The following DLC1 variants were observed in gnomAD, a reference collection of about 807,000 sequenced individuals.
DLC1 encodes DLC1 Rho GTPase activating protein, also known as rho GTPase-activating protein 7.
In DLC1, 54 loss-of-function variants were observed where a neutral mutation model predicts 140.3. The ratio of observed to expected loss-of-function variants is 0.38; its 90% CI spans 0.31 to 0.48. The LOEUF (loss-of-function observed/expected upper bound fraction) is 0.48, where lower values mean the gene tolerates loss of function less well. DLC1 is among the 20% of genes least tolerant of loss of function. The probability of loss-of-function intolerance (pLI) is 0.96; values close to 1 mark genes in which losing one functional copy is unlikely to be tolerated. For synonymous variants in DLC1, 986 were observed against 728.1 expected (o/e 1.35, Z -5.70); for missense variants, 2,536 against 1,907.0 (o/e 1.33, Z -6.14).
chr8:13,448,634 C>T (rs1208916178), intron 2 of DLC1, among the ~76,000 whole-genome samples: 1 of 152,204 alleles, frequency 6.6e-6, no homozygotes, highest in Admixed American at 6.5e-5. Flanking sequence ...GCTGGGATTA[C>T]AGGCGTGAGC....
At chr8:13,592,042 G>T (rs1482468647) in intron 1 of DLC1, among the ~76,000 whole-genome samples, 1 of 152,000 alleles carries the variant, frequency 6.6e-6, no homozygotes, top group Non-Finnish European at 1.5e-5. Context: ...GCTTGGAACT[G>T]GGTAAGGTCC....
At chr8:13,412,652 C>G (rs955460944) in intron 2 of DLC1, among the ~76,000 whole-genome samples, 9 of 151,908 alleles carry the variant, frequency 5.9e-5, no homozygotes, top group African/African-American at 2.2e-4. Context: ...AGAAAAATGT[C>G]CCTTTGTGCG....
chr8:13,581,898 G>A (rs1805112938), intron 1 of DLC1, among the ~76,000 whole-genome samples: 1 of 152,078 alleles, frequency 6.6e-6, no homozygotes, highest in African/African-American at 2.4e-5. Flanking sequence ...GCAATCTGAA[G>A]TCCACGCATC....
At chr8:13,208,293 G>C (rs1314388657) in intron 5 of DLC1, among the ~76,000 whole-genome samples, 1 of 152,118 alleles carries the variant, frequency 6.6e-6, no homozygotes, top group Non-Finnish European at 1.5e-5. Flanking sequence ...ATTGCATGAA[G>C]CTTATTCATA....
intron 4 of DLC1, among the ~76,000 whole-genome samples, chr8:13,316,828 C>G (rs1279141850): frequency 6.6e-6 from 1 of 152,162 alleles, no homozygotes; most frequent in South Asian, 2.1e-4. Flanking sequence ...CCTTGTGTTT[C>G]TCCTATCATA....
intron 1 of DLC1, among the ~76,000 whole-genome samples, chr8:13,533,893 G>T (rs558761224): frequency 6.6e-6 from 1 of 152,228 alleles, no homozygotes; most frequent in South Asian, 2.1e-4. Context: ...GAAGGTACTT[G>T]CATCTCCTTC....
intron 7 of DLC1, among the ~76,000 whole-genome samples, chr8:13,108,804 C>T (rs968014121): frequency 1.3e-5 from 2 of 152,188 alleles, no homozygotes; most frequent in African/African-American, 2.4e-5. Context: ...TTCTGCTCCA[C>T]AGCTAAGCAT....
At position 13,140,489 on chromosome 8, in the gene DLC1, T is replaced by G. The variant is rs555540611; in HGVS notation, c.1349-24832A>C. Among the ~76,000 whole-genome samples the G allele has an allele frequency of 2.6e-5, 4 of 151,954 alleles. No individual in the cohort carries two copies. The East Asian group carries it at 7.7e-4, about 29-fold the overall frequency. On this transcript the variant is annotated intron_variant, in intron 5 of 17. Coordinates refer to ENST00000276297, the MANE Select transcript of DLC1 (RefSeq NM_182643.3). ...CTCAAGCGATTCGCCTGCCTCTGCC[T>G]TCCAAAGTGCTGGGATTACAGGTTG... is the stretch of plus-strand genomic sequence containing the variant.
At chr8:13,462,027 G>A (rs72603970) in intron 2 of DLC1, among the ~76,000 whole-genome samples, 11,775 of 152,068 alleles carry the variant, frequency 0.077, 617 homozygotes, top group East Asian at 0.16. Context: ...GTTCCTCTCT[G>A]TTCCATCTTT....
chr8:13,269,621 C>G (rs1830833459), intron 5 of DLC1, among the ~76,000 whole-genome samples: 1 of 142,078 alleles, frequency 7.0e-6, no homozygotes, highest in Non-Finnish European at 1.5e-5. Context: ...AGGAAGATTG[C>G]TGAGTTCAGG....
chr8:13,314,590 C>T (rs796798757), intron 4 of DLC1, among the ~76,000 whole-genome samples: 7 of 152,198 alleles, frequency 4.6e-5, no homozygotes, highest in African/African-American at 1.7e-4. Context: ...TTTAATAATT[C>T]AATGCCTGCA....
intron 5 of DLC1, among the ~76,000 whole-genome samples, chr8:13,181,106 C>T (rs1433151278): frequency 1.3e-5 from 2 of 151,958 alleles, no homozygotes. Flanking sequence ...CTGCCCTTTC[C>T]TCATTCTCTC....
chr8:13,309,799 G>A lies in DLC1; in HGVS notation c.1315-4497C>T, dbSNP rs1389879795. Among the ~76,000 whole-genome samples, 10 of 152,228 alleles carry A rather than the reference G, an allele frequency of 6.6e-5. No homozygotes were observed. In the South Asian group the frequency reaches 2.1e-3, roughly 32 times the overall value. ...AACGTAAATAGCATCATAAATAATA[G>A]ACATCATATCTGAATCCATGACAAT... On this transcript the variant is annotated intron_variant, in intron 4 of 17. Coordinates refer to ENST00000276297, the MANE Select transcript of DLC1 (RefSeq NM_182643.3).
chr8:13,491,087 T>C (rs117467398), intron 2 of DLC1, among the ~76,000 whole-genome samples: 2 of 147,834 alleles, frequency 1.4e-5, no homozygotes, highest in Non-Finnish European at 3.0e-5. Flanking sequence ...TATATACATA[T>C]TCAAATTTAA....
At chr8:13,215,202 A>G (rs1316780153) in intron 5 of DLC1, among the ~76,000 whole-genome samples, 1 of 152,178 alleles carries the variant, frequency 6.6e-6, no homozygotes, top group Non-Finnish European at 1.5e-5. Flanking sequence ...TCATTTCCCA[A>G]ACGTCTTACA....
intron 5 of DLC1, among the ~76,000 whole-genome samples, chr8:13,274,764 CATT>C (rs1405774731): frequency 2.0e-5 from 3 of 152,168 alleles, no homozygotes; most frequent in Non-Finnish European, 4.4e-5. Flanking sequence ...CAAATTAAAA[CATT>C]AAACCACAAC....
chr8:13,597,269 A>C (rs1326893658), intron 1 of DLC1, among the ~76,000 whole-genome samples: 3 of 152,014 alleles, frequency 2.0e-5, no homozygotes, highest in African/African-American at 7.2e-5. Context: ...TTTTATTGCA[A>C]CTGACATTGG....
rs757654030 is a variant in DLC1, at chr8:13,091,333, G to A, written c.3840C>T (p.Cys1280=). ...AATTCCTTACCTGGAAAAGCTTCTT[G>A]CACTCGGCGATCATATGGGCCAGCC... ...TQGLAHMIAE[C]KKLFQVPEEM... Residue 1280 remains cysteine (C), a synonymous_variant, in exon 14 of 18, where the codon TGC becomes TGT. Coordinates refer to ENST00000276297, the MANE Select transcript of DLC1 (RefSeq NM_182643.3). 3.6e-5 allele frequency: 58 copies of A among 1,613,904 alleles called. No homozygotes were observed. In the East Asian group the frequency reaches 1.3e-3, roughly 35 times the overall value.
At chr8:13,545,788 A>T (rs1169846887) in intron 1 of DLC1, among the ~76,000 whole-genome samples, 1 of 152,136 alleles carries the variant, frequency 6.6e-6, no homozygotes, top group African/African-American at 2.4e-5. Flanking sequence ...TTTGTTTGTG[A>T]TGTTTAAAGA....
Sources: gnomAD v4.1 joint callset for allele counts (sites outside exome capture counted in the v4.1 genomes callset) on GRCh38, gnomAD v4.1.1 for gene constraint, MANE v1.5 for transcripts, NCBI Gene and HGNC (gene_info 2026-07-23, HGNC 2026-07-21) for gene names.